Variants in CSMD1 observed in about 807,000 individuals in gnomAD.
The protein encoded by CSMD1 is CUB and Sushi multiple domains 1.
Under a neutral mutation model 417.5 loss-of-function variants are expected in CSMD1, and 213 were observed. The observed-to-expected ratio is 0.51, with a 90% CI of 0.46 to 0.57. CSMD1 has a LOEUF of 0.57. Ranked by LOEUF, CSMD1 falls within the 20% of genes least tolerant of loss-of-function variation. The probability of loss-of-function intolerance (pLI) is 0.00; values close to 1 mark genes in which losing one functional copy is unlikely to be tolerated. For missense variants in CSMD1, 6,923 were observed against 4,529.7 expected, an observed-to-expected ratio of 1.53 and a Z score of -15.17; for synonymous variants, 2,862 against 1,736.8, an observed-to-expected ratio of 1.65 and a Z score of -16.11.
chr8:2,989,143 C>A (rs1025175767), intron 54 of CSMD1, among the ~76,000 whole-genome samples: 1 of 152,200 alleles, frequency 6.6e-6, no homozygotes, highest in Non-Finnish European at 1.5e-5. Flanking sequence ...CAGTAAGAAT[C>A]AGACCATATT....
At chr8:3,455,265 C>A (rs981172943) in intron 12 of CSMD1, among the ~76,000 whole-genome samples, 3 of 152,082 alleles carry the variant, frequency 2.0e-5, no homozygotes, top group Non-Finnish European at 2.9e-5. Flanking sequence ...AAACTTCCTC[C>A]TTTAGCTCGG....
chr8:2,958,546 T>C (rs1348076992), intron 62 of CSMD1, among the ~76,000 whole-genome samples: 2 of 152,218 alleles, frequency 1.3e-5, no homozygotes, highest in African/African-American at 2.4e-5. Context: ...TCTGTAAATG[T>C]CTTTTTTAGA....
chr8:3,095,338 C>T (rs978214394), intron 47 of CSMD1, among the ~76,000 whole-genome samples: 11 of 152,098 alleles, frequency 7.2e-5, no homozygotes, highest in African/African-American at 2.7e-4. Flanking sequence ...TACCTCTCTT[C>T]TTCCTCAACA....
chr8:4,304,337 A>T lies in CSMD1; in HGVS notation c.415+115616T>A, dbSNP rs138304653. Among the ~76,000 whole-genome samples the T allele has an allele frequency of 1.4e-3, 211 of 152,272 alleles. 1 individual carries two copies. Among genetic ancestry groups the T allele is most frequent in the African/African-American group, 4.7e-3 (197 of 41,552 alleles). The stretch of plus-strand genomic sequence containing the variant: ...GATATTTATTTTGTATGTCAAACTG[A>T]TGTCTTAGATACATTCCATTTGATT... On this transcript the variant is annotated intron_variant, in intron 3 of 69. Coordinates refer to ENST00000635120, the MANE Select transcript of CSMD1 (RefSeq NM_033225.6).
chr8:3,189,751 T>C (rs976367136), intron 34 of CSMD1, among the ~76,000 whole-genome samples, 161 bp downstream of exon 34: 1 of 152,084 alleles, frequency 6.6e-6, no homozygotes, highest in Non-Finnish European at 1.5e-5. Context: ...CAATAATTTT[T>C]AGGGTTTGGC....
intron 4 of CSMD1, among the ~76,000 whole-genome samples, chr8:4,010,902 C>A (rs1343023644): frequency 6.6e-6 from 1 of 152,148 alleles, no homozygotes; most frequent in South Asian, 2.1e-4. Context: ...ACTGAAAGGT[C>A]TAACTTTACA....
chr8:4,946,218 T>A (rs76444262), intron 1 of CSMD1, among the ~76,000 whole-genome samples: 4,339 of 152,300 alleles, frequency 0.028, 183 homozygotes, highest in African/African-American at 0.098. Context: ...TTTATGGATC[T>A]AAATCCCTGT....
At chr8:4,156,272 G>C (rs1181892908) in intron 3 of CSMD1, among the ~76,000 whole-genome samples, 1 of 152,128 alleles carries the variant, frequency 6.6e-6, no homozygotes, top group Non-Finnish European at 1.5e-5. Flanking sequence ...TATGGCTAAA[G>C]AGTTGATGGG....
chr8:4,913,529 G>A (rs1018017696), intron 1 of CSMD1, among the ~76,000 whole-genome samples: 6 of 152,078 alleles, frequency 3.9e-5, no homozygotes, highest in Non-Finnish European at 8.8e-5. Flanking sequence ...CAGAAGCCCT[G>A]CCCTCAAAGA....
chr8:4,239,497 C>T (rs935761372), intron 3 of CSMD1, among the ~76,000 whole-genome samples: 1 of 152,162 alleles, frequency 6.6e-6, no homozygotes, highest in African/African-American at 2.4e-5. Flanking sequence ...AGCTGCCCCA[C>T]CCCAGTCTGG....
At chr8:3,376,880 G>T (rs1810340889) in intron 18 of CSMD1, among the ~76,000 whole-genome samples, 1 of 152,098 alleles carries the variant, frequency 6.6e-6, no homozygotes, top group African/African-American at 2.4e-5. Context: ...AACCCATGGG[G>T]TTTAAGAGAT....
intron 1 of CSMD1, among the ~76,000 whole-genome samples, chr8:4,805,439 C>T (rs146734426): frequency 1.3e-5 from 2 of 152,098 alleles, no homozygotes; most frequent in Non-Finnish European, 2.9e-5. Flanking sequence ...CCTACTACAG[C>T]CAGGAGGCTC....
At chr8:3,656,565 G>T (rs1585028031) in intron 7 of CSMD1, among the ~76,000 whole-genome samples, 1 of 152,114 alleles carries the variant, frequency 6.6e-6, no homozygotes, top group East Asian at 1.9e-4. Flanking sequence ...AACATGAGAT[G>T]GGAGAGGAGT....
chr8:3,504,726 T>C (rs1188092229), intron 10 of CSMD1, among the ~76,000 whole-genome samples: 1 of 152,184 alleles, frequency 6.6e-6, no homozygotes, highest in African/African-American at 2.4e-5. Context: ...TCCTTCTCTA[T>C]TGCAGTAGTG....
At chr8:3,709,652 C>CCT (rs1347002714) in intron 6 of CSMD1, among the ~76,000 whole-genome samples, 1 of 130,034 alleles carries the variant, frequency 7.7e-6, no homozygotes, top group Non-Finnish European at 1.6e-5. Context: ...CTTCCTCCTG[C>CCT]CTGATGGGCT....
At chr8:4,019,299 C>A (rs1796671778) in intron 4 of CSMD1, among the ~76,000 whole-genome samples, 1 of 152,184 alleles carries the variant, frequency 6.6e-6, no homozygotes, top group Admixed American at 6.6e-5. Context: ...GAGCTTATCA[C>A]AGGCTTGGAA....
At chr8:4,360,483 A>G (rs1801689269) in intron 3 of CSMD1, among the ~76,000 whole-genome samples, 1 of 152,056 alleles carries the variant, frequency 6.6e-6, no homozygotes, top group African/African-American at 2.4e-5. Flanking sequence ...TCTTGCACAT[A>G]CTTCCTGTTC....
At chr8:2,951,901 G>C (rs934262286) in intron 65 of CSMD1, among the ~76,000 whole-genome samples, 1 of 152,030 alleles carries the variant, frequency 6.6e-6, no homozygotes, top group Non-Finnish European at 1.5e-5. Context: ...AGAAGAGATG[G>C]GCTCAATAAT....
chr8:4,040,215 T>C (rs76921974), intron 3 of CSMD1, among the ~76,000 whole-genome samples: 194 of 152,350 alleles, frequency 1.3e-3, no homozygotes, highest in African/African-American at 4.6e-3. Flanking sequence ...GTTTTTCATT[T>C]AGCAATAGTA....
Sources: allele counts gnomAD v4.1 joint callset (sites outside exome capture counted in the v4.1 genomes callset), GRCh38; gene constraint gnomAD v4.1.1; transcripts MANE v1.5; gene names NCBI Gene and HGNC (gene_info 2026-07-23, HGNC 2026-07-21).